Variants in INSC observed in about 807,000 individuals in gnomAD.
INSC encodes INSC spindle orientation adaptor protein.
In INSC, 67 loss-of-function variants were observed where a neutral mutation model predicts 58.6. That is an observed-to-expected ratio of 1.14 (90% CI 0.94 to 1.40). The LOEUF (loss-of-function observed/expected upper bound fraction) is 1.40. Ranked by LOEUF, INSC falls within the 40% of genes most tolerant of loss-of-function variation. The pLI is 0.00. For synonymous variants in INSC, 262 were observed against 276.1 expected (o/e 0.95, Z 0.51); for missense variants, 714 against 692.0 (o/e 1.03, Z -0.36).
intron 12 of INSC, among the ~76,000 whole-genome samples, chr11:15,244,752 CCTT>C (rs1416731132): frequency 6.6e-6 from 1 of 152,124 alleles, no homozygotes; most frequent in Admixed American, 6.5e-5. Context: ...TGCATTCCCT[CCTT>C]CTTTGCTTCT....
At chr11:15,115,431 G>C (rs1366210667) in intron 1 of INSC, among the ~76,000 whole-genome samples, 2 of 152,186 alleles carry the variant, frequency 1.3e-5, no homozygotes, top group Non-Finnish European at 2.9e-5. Context: ...GGGCTAGGGA[G>C]TGTTATCTGA....
the INSC span, among the ~76,000 whole-genome samples, chr11:15,260,743 T>C: frequency 6.6e-6 from 1 of 152,198 alleles, no homozygotes; most frequent in African/African-American, 2.4e-5. Context: ...TTCCCTGCCT[T>C]TGAGACATGC....
intron 2 of INSC, among the ~76,000 whole-genome samples, chr11:15,160,154 T>C (rs1848965863): frequency 6.6e-6 from 1 of 152,000 alleles, no homozygotes; most frequent in Admixed American, 6.6e-5. Flanking sequence ...CCAGTATAGA[T>C]CAGAGGAGAG....
intron 7 of INSC, among the ~76,000 whole-genome samples, chr11:15,210,116 C>T (rs1850962344): frequency 6.6e-6 from 1 of 152,116 alleles, no homozygotes; most frequent in African/African-American, 2.4e-5. Flanking sequence ...GAGTAGAAGC[C>T]CTTTGAGGCT....
In INSC at chr11:15,178,733, G is replaced by T. The variant is rs1409973451; in HGVS notation, c.579+286G>T. Among the ~76,000 whole-genome samples, 4 of 152,238 alleles carry T rather than the reference G, an allele frequency of 2.6e-5. No individual in the cohort carries two copies. In the East Asian group the frequency reaches 5.8e-4, roughly 22 times the overall value. ...GGTCACACAGCAAGATGGTGGCAGA[G>T]CCCAGCATCTCCCAATTCTACTTTC... On this transcript the variant is annotated intron_variant, in intron 5 of 12. Coordinates refer to ENST00000379556, the MANE Select transcript of INSC (RefSeq NM_001042536.3).
At chr11:15,111,872 G>T (rs186095968), upstream of INSC, among the ~76,000 whole-genome samples, 2 of 152,232 alleles carry the variant, frequency 1.3e-5, no homozygotes, top group Admixed American at 6.5e-5. Context: ...ACTTACTGAG[G>T]CCCTCCCTGG....
chr11:15,114,874 T>C (rs868524866), upstream of INSC: 2 of 779,440 alleles, frequency 2.6e-6, no homozygotes, highest in African/African-American at 8.5e-5. Context: ...GGGCGGGGGG[T>C]GGGGCGGGGG....
chr11:15,113,640 G>A (rs1847626493), upstream of INSC, among the ~76,000 whole-genome samples: 1 of 152,164 alleles, frequency 6.6e-6, no homozygotes, highest in Non-Finnish European at 1.5e-5. Context: ...GGAACTTGGG[G>A]AGTAGAATCA....
intron 7 of INSC, among the ~76,000 whole-genome samples, chr11:15,219,271 A>T (rs1209722328): frequency 2.0e-5 from 3 of 152,146 alleles, no homozygotes; most frequent in Admixed American, 6.5e-5. Context: ...GGTGTGACAA[A>T]TGTGACAATG....
At chr11:15,211,223 G>T (rs1366780856) in intron 7 of INSC, among the ~76,000 whole-genome samples, 1 of 152,198 alleles carries the variant, frequency 6.6e-6, no homozygotes, top group Non-Finnish European at 1.5e-5. Flanking sequence ...GACATACAGT[G>T]CTCTGCTTGT....
intron 6 of INSC, among the ~76,000 whole-genome samples, chr11:15,199,699 C>T (rs1850505318): frequency 6.6e-6 from 1 of 152,056 alleles, no homozygotes; most frequent in South Asian, 2.1e-4. Flanking sequence ...TTAGTTAGAC[C>T]CAGGAGTGAT....
At chr11:15,162,701 C>T (rs375067274) in intron 2 of INSC, among the ~76,000 whole-genome samples, 34 of 152,228 alleles carry the variant, frequency 2.2e-4, no homozygotes, top group African/African-American at 7.9e-4. Context: ...CCTATTTAGC[C>T]CTAATTAAAT....
rs770513526 is a variant in INSC at position 15,114,933 on chromosome 11, C to T, written c.-116C>T. On this transcript the variant is annotated 5_prime_UTR_variant, in exon 1 of 13. Coordinates refer to ENST00000379556, the MANE Select transcript of INSC (RefSeq NM_001042536.3). ...GCCGGCAGAGCGGCCACTTTGCGCG[C>T]GGCCTCTGGAGCTCCAGCTGCGCCC... is the stretch of plus-strand genomic sequence containing the variant. The T allele has an allele frequency of 4.0e-5, 39 of 985,434 alleles. No individual in the cohort carries two copies. The highest frequency in any genetic ancestry group is 1.2e-4 in the Admixed American group (2 of 16,292). The allele number at this position is 985,434 out of a possible 1,614,324, so 61.0% of individuals were successfully genotyped here. A position where few individuals can be genotyped will look rare whatever the true frequency, so the allele number is the denominator to read the frequency against.
At chr11:15,223,878 G>A (rs1431115781) in intron 8 of INSC, among the ~76,000 whole-genome samples, 2 of 152,206 alleles carry the variant, frequency 1.3e-5, no homozygotes, top group Admixed American at 1.3e-4. Flanking sequence ...GGTCAAACCT[G>A]GGCTGTGGGG....
rs181088717 is a variant in INSC, at chr11:15,222,692, A to G, written c.991+1044A>G. 4.4e-4 allele frequency among the ~76,000 whole-genome samples: 67 copies of G among 152,302 alleles called. No individual in the cohort carries two copies. In the East Asian group the frequency reaches 9.8e-3, roughly 22 times the overall value. ...CTCTCAAGGGTCCTTCTAACTCTAGAATTTGGAGATCTGCAAGTACTTTGC... is the reference window on the plus strand; with the variant it reads ...CTCTCAAGGGTCCTTCTAACTCTAGGATTTGGAGATCTGCAAGTACTTTGC... On this transcript the variant is annotated intron_variant, in intron 8 of 12. Coordinates refer to ENST00000379556, the MANE Select transcript of INSC (RefSeq NM_001042536.3).
intron 1 of INSC, among the ~76,000 whole-genome samples, chr11:15,147,756 C>A (rs931339809): frequency 6.6e-6 from 1 of 152,144 alleles, no homozygotes; most frequent in Non-Finnish European, 1.5e-5. Context: ...TTATCTAGCA[C>A]CCTAGTTTAT....
At chr11:15,146,398 A>C (rs1050344351) in intron 1 of INSC, among the ~76,000 whole-genome samples, 9 of 152,198 alleles carry the variant, frequency 5.9e-5, no homozygotes, top group Admixed American at 4.6e-4. Context: ...GGCAGCCAAT[A>C]ATGACATAGT....
At chr11:15,120,201 C>G (rs1038302278) in intron 1 of INSC, among the ~76,000 whole-genome samples, 4 of 152,156 alleles carry the variant, frequency 2.6e-5, no homozygotes, top group African/African-American at 9.7e-5. Flanking sequence ...AAAGTACAAC[C>G]AAAACTGATT....
At chr11:15,113,772 C>T (rs1412637798), upstream of INSC, among the ~76,000 whole-genome samples, 1 of 152,074 alleles carries the variant, frequency 6.6e-6, no homozygotes. Context: ...CAGAGAGCTA[C>T]TGTGTGTGTT....
Sources: gnomAD v4.1 joint callset for allele counts (sites outside exome capture counted in the v4.1 genomes callset) on GRCh38, gnomAD v4.1.1 for gene constraint, MANE v1.5 for transcripts, NCBI Gene and HGNC (gene_info 2026-07-23, HGNC 2026-07-21) for gene names.